Variants in ANKEF1 observed in about 807,000 individuals in gnomAD.
ANKEF1 encodes the protein ankyrin repeat and EF-hand domain-containing protein 1.
In ANKEF1, 43 loss-of-function variants were observed where a neutral mutation model predicts 65.1. The ratio of observed to expected loss-of-function variants is 0.66; its 90% confidence interval spans 0.52 to 0.85. The LOEUF (loss-of-function observed/expected upper bound fraction) is 0.85. Among genes scored for constraint, ANKEF1 ranks in the 40% least tolerant of loss-of-function variants. The pLI is 0.00. For synonymous variants in ANKEF1, 316 were observed against 341.5 expected (o/e 0.93, Z 0.82); for missense variants, 934 against 952.9 (o/e 0.98, Z 0.26).
intron 2 of ANKEF1, among the ~76,000 whole-genome samples, chr20:10,037,153 A>G (rs1030205246): frequency 2.3e-4 from 35 of 152,300 alleles, no homozygotes; most frequent in Non-Finnish European, 3.2e-4. Flanking sequence ...TTTCATTGCA[A>G]ATGTTGGAAA....
At chr20:10,043,595 A>G (rs1042105863) in intron 4 of ANKEF1, among the ~76,000 whole-genome samples, 6 of 141,494 alleles carry the variant, frequency 4.2e-5, no homozygotes, top group Non-Finnish European at 1.5e-5. Flanking sequence ...GCCTAATAGG[A>G]TTTATCTTCT....
chr20:10,051,821 G>A lies in ANKEF1; in HGVS notation c.1802G>A (p.Ser601Asn). Residue 601 changes from serine to asparagine, a missense_variant, in exon 8 of 11, where the codon AGC (serine) becomes AAC (asparagine). Physicochemically the swap from Ser to Asn is conservative, Grantham distance 46. Transcript: ENST00000378392. ...NSTPLNRAIESCRLDTVKYLL... is the reference protein window; with the variant it reads ...NSTPLNRAIENCRLDTVKYLL... ...ACTCCTTTAAATAGAGCCATTGAAA[G>A]CTGCAGACTGGATACAGTAAAATAC... The A allele has an allele frequency of 6.2e-7, 1 of 1,613,586 alleles. No homozygotes were observed. Among genetic ancestry groups the A allele is most frequent in the African/African-American group, 1.3e-5 (1 of 75,032 alleles).
chr20:10,054,154 A>G (rs1156851033), intron 9 of ANKEF1, among the ~76,000 whole-genome samples: 1 of 152,138 alleles, frequency 6.6e-6, no homozygotes, highest in African/African-American at 2.4e-5. Context: ...TTAGAATGGC[A>G]AAAGGTGAAG....
At chr20:10,043,059 C>T in intron 3 of ANKEF1, 63 bp from the exon 4 acceptor site, 1 of 1,505,390 alleles carries the variant, frequency 6.6e-7, no homozygotes, top group Non-Finnish European at 9.1e-7. Context: ...AATAATTTTA[C>T]TTTCCTTCCT....
At chr20:10,053,557 T>C (rs1047927887) in intron 9 of ANKEF1, among the ~76,000 whole-genome samples, 2 of 151,942 alleles carry the variant, frequency 1.3e-5, no homozygotes, top group Admixed American at 1.3e-4. Flanking sequence ...CCAAAACTGG[T>C]GTTGGATTTG....
In ANKEF1 at chr20:10,035,311, C is replaced by G. The variant is rs1412176327; in HGVS notation, c.-131C>G. ...ATAGGTGCCCAGAGATCCCTGGCTT[C>G]TGATCGCCCGGAAGACTAAGAGGTG... On this transcript the variant is annotated 5_prime_UTR_variant, in exon 1 of 11. Transcript: ENST00000378392. 2 of 152,420 alleles carry G rather than the reference C, an allele frequency of 1.3e-5. No individual in the cohort carries two copies. The highest frequency in any genetic ancestry group is 4.8e-5 in the African/African-American group (2 of 41,478). 9.4% of individuals were successfully genotyped at this position (152,420 alleles called of 1,614,324 possible).
At chr20:10,042,878 A>G (rs566988977) in intron 3 of ANKEF1, among the ~76,000 whole-genome samples, 1 of 152,318 alleles carries the variant, frequency 6.6e-6, no homozygotes, top group South Asian at 2.1e-4. Context: ...TTCACCTATC[A>G]GCGCTCCAAT....
intron 10 of ANKEF1, 31 bp downstream of exon 10, chr20:10,054,630 G>A (rs1435536490): frequency 6.3e-7 from 1 of 1,581,418 alleles, no homozygotes; most frequent in African/African-American, 1.4e-5. Context: ...TTCATAGCAT[G>A]GTAGAAGCTC....
chr20:10,055,742 C>T lies in ANKEF1; in HGVS notation c.*82C>T. The T allele has an allele frequency of 7.0e-7, 1 of 1,434,586 alleles. No homozygotes were observed. Among genetic ancestry groups the T allele is most frequent in the Non-Finnish European group, 9.7e-7 (1 of 1,030,150 alleles). The allele number at this position is 1,434,586 out of a possible 1,614,324, so 88.9% of individuals were successfully genotyped here. A position where few individuals can be genotyped will look rare whatever the true frequency, so the allele number is the denominator to read the frequency against. On this transcript the variant is annotated 3_prime_UTR_variant, in exon 11 of 11. Transcript: ENST00000378392. The stretch of plus-strand genomic sequence containing the variant: ...AGAAAGTAGATATTTCCATCAAAGC[C>T]AAAGCAATCCATACACCAAGAACTT...
At chr20:10,045,875 A>T (rs964704813) in intron 6 of ANKEF1, among the ~76,000 whole-genome samples, 178 bp downstream of exon 6, 6 of 152,202 alleles carry the variant, frequency 3.9e-5, no homozygotes, top group African/African-American at 1.4e-4. Context: ...TTAAATCATG[A>T]ATCTGCGCTT....
At chr20:10,050,879 C>T (rs1301600289) in intron 7 of ANKEF1, among the ~76,000 whole-genome samples, 5 of 152,170 alleles carry the variant, frequency 3.3e-5, no homozygotes, top group Non-Finnish European at 7.3e-5. Context: ...CTGCTGCCCT[C>T]CTCCAGTGTG....
intron 6 of ANKEF1, among the ~76,000 whole-genome samples, chr20:10,047,342 C>CTG: frequency 6.6e-6 from 1 of 152,312 alleles, no homozygotes; most frequent in Middle Eastern, 3.4e-3. Flanking sequence ...AATATAAACA[C>CTG]GTCACCAGAT....
chr20:10,040,085 A>G (rs564203537), intron 3 of ANKEF1, among the ~76,000 whole-genome samples: 1 of 152,352 alleles, frequency 6.6e-6, no homozygotes, highest in Admixed American at 6.5e-5. Flanking sequence ...GCTAAAGGAA[A>G]CAAATCTCAT....
Position 10,050,133 on chromosome 20 carries a change from G to T in ANKEF1, c.1564G>T (p.Asp522Tyr). 1.2e-6 allele frequency: 2 copies of T among 1,614,116 alleles called. No individual in the cohort carries two copies. Among genetic ancestry groups the T allele is most frequent in the Non-Finnish European group, 1.7e-6 (2 of 1,180,000 alleles). Residue 522 changes from aspartate to tyrosine, a missense_variant, in exon 7 of 11, where the codon GAT (aspartate) becomes TAT (tyrosine). Physicochemically the swap from Asp to Tyr is radical, Grantham distance 160 (BLOSUM62 -3). Transcript: ENST00000378392. ...FESGIPVDMK[D>Y]NYYKTPLMTA... ...ATCAGGAATACCTGTGGATATGAAG[G>T]ATAATTATTACAAAACTCCGCTAAT... is the stretch of plus-strand genomic sequence containing the variant.
intron 8 of ANKEF1, among the ~76,000 whole-genome samples, chr20:10,052,676 G>T (rs1477203749): frequency 6.6e-6 from 1 of 151,998 alleles, no homozygotes; most frequent in Admixed American, 6.6e-5. Flanking sequence ...CCAGCCATCT[G>T]CCTGGAGCAC....
chr20:10,050,266 G>A, intron 7 of ANKEF1, 54 bp downstream of exon 7: 1 of 1,436,026 alleles, frequency 7.0e-7, no homozygotes, highest in Non-Finnish European at 9.4e-7. Context: ...CACATTTCAA[G>A]GAAGTGAAAA....
At chr20:10,045,364 G>C (rs1352172367) in intron 5 of ANKEF1, among the ~76,000 whole-genome samples, 1 of 152,136 alleles carries the variant, frequency 6.6e-6, no homozygotes, top group Non-Finnish European at 1.5e-5. Context: ...ACAACACAAT[G>C]GCCATGTGGC....
chr20:10,049,986 C>G lies in ANKEF1; in HGVS notation c.1417C>G (p.Pro473Ala). The change falls in exon 7 of 11, where the codon CCC becomes GCC. Residue 473 changes from proline (P) to alanine (A), a missense_variant. Physicochemically the swap from Pro to Ala is conservative, Grantham distance 27 (BLOSUM62 -1). Transcript: ENST00000378392. The stretch of plus-strand genomic sequence containing the variant: ...TAGCAGCCGGTTTAATAGAGATCAT[C>G]CCCCAGAACATCCCATTCAGGATGA... ...TDSSRFNRDH[P>A]PEHPIQDDSV... 6.2e-7 allele frequency: 1 copy of G among 1,614,112 alleles called. No individual in the cohort carries two copies. Among genetic ancestry groups the G allele is most frequent in the South Asian group, 1.1e-5 (1 of 91,078 alleles).
At chr20:10,044,894 A>G (rs996296510) in intron 5 of ANKEF1, among the ~76,000 whole-genome samples, 4 of 152,144 alleles carry the variant, frequency 2.6e-5, no homozygotes, top group Non-Finnish European at 5.9e-5. Flanking sequence ...ATGGGAGAAC[A>G]ATGCCCTCAT....
Sources: gnomAD v4.1 joint callset for allele counts (sites outside exome capture counted in the v4.1 genomes callset) on GRCh38, gnomAD v4.1.1 for gene constraint, MANE v1.5 for transcripts, NCBI Gene and HGNC (gene_info 2026-07-23, HGNC 2026-07-21) for gene names.